The following PPT1 variants were observed in gnomAD, a reference collection of about 807,000 sequenced individuals.
The protein encoded by PPT1 is palmitoyl-protein thioesterase 1.
A neutral mutation model predicts 44.0 loss-of-function variants in PPT1; 24 were observed. The observed-to-expected ratio is 0.54, with a 90% CI of 0.39 to 0.77. PPT1 has a LOEUF of 0.77. Ranked by LOEUF, PPT1 falls within the 30% of genes least tolerant of loss-of-function variation. The pLI, the probability that PPT1 is intolerant of heterozygous loss-of-function variation, is 0.00. For synonymous variants in PPT1, 148 were observed against 140.2 expected (o/e 1.06, Z -0.39); for missense variants, 341 against 378.8 (o/e 0.90, Z 0.83).
Position 40,092,469 on chromosome 1 carries a change from T to A in PPT1, c.163A>T (p.Lys55Ter), listed in dbSNP as rs386833633. The change falls in exon 2 of 9, where the codon AAA becomes TAA. Residue 55 changes from lysine to a stop codon, truncating the protein, a stop_gained. Coordinates refer to ENST00000642050, the MANE Select transcript of PPT1 (RefSeq NM_000310.4). LOFTEE classifies it high-confidence loss of function. ...GGTATTTTCTTCTCCACCATTTTTT[T>A]AATAGCACCCATGCTTAAGGGATTG... is the stretch of plus-strand genomic sequence containing the variant. ...CCNPLSMGAI[K>*]KMVEKKIPGI... 1 of 1,613,928 alleles carries A rather than the reference T, an allele frequency of 6.2e-7. No homozygotes were observed. The highest frequency in any genetic ancestry group is 8.5e-7 in the Non-Finnish European group (1 of 1,179,772).
intron 8 of PPT1, among the ~76,000 whole-genome samples, chr1:40,074,538 GCT>G (rs776219914): frequency 6.6e-6 from 1 of 151,090 alleles, no homozygotes; most frequent in Non-Finnish European, 1.5e-5. Flanking sequence ...TGCGATCTCG[GCT>G]CACTGCAACC....
Position 40,076,948 on chromosome 1 carries a change from G to T in PPT1, c.727-35C>A. The T allele has an allele frequency of 1.9e-6, 3 of 1,611,742 alleles. No homozygotes were observed. In the South Asian group the frequency reaches 3.3e-5, roughly 18 times the overall value. On this transcript the variant is annotated intron_variant, in intron 7 of 8. Transcript: ENST00000642050. ...AAGCAAAGGAAAGAAGCTCAGATAT[G>T]ACACACAGCACATACTGCCAAAATA...
chr1:40,085,781 T>C (rs1345663664), intron 5 of PPT1, among the ~76,000 whole-genome samples: 1 of 152,248 alleles, frequency 6.6e-6, no homozygotes, highest in Non-Finnish European at 1.5e-5. Flanking sequence ...ATAGCTTTTA[T>C]ATGCGCTGGG....
intron 4 of PPT1, among the ~76,000 whole-genome samples, chr1:40,090,388 G>GTA (rs947359281): frequency 7.0e-4 from 107 of 151,932 alleles, no homozygotes; most frequent in African/African-American, 2.4e-3. Flanking sequence ...GCATATGTGT[G>GTA]TATATATATG....
downstream of PPT1, chr1:40,072,301 C>T (rs1648214872): frequency 2.7e-6 from 1 of 376,304 alleles, no homozygotes; most frequent in South Asian, 1.5e-4. Flanking sequence ...TCTGGCATTC[C>T]TGAATCCTTC....
rs556916544 is a variant in PPT1 at position 40,076,153 on chromosome 1, A to G, written c.798+689T>C. Among the ~76,000 whole-genome samples the G allele has an allele frequency of 2.6e-4, 39 of 151,902 alleles. 2 individuals are homozygous for G. The South Asian group carries it at 7.9e-3, about 31-fold the overall frequency. On this transcript the variant is annotated intron_variant, in intron 8 of 8. Transcript: ENST00000642050. Reference sequence around the variant, plus strand: ...GCGTAATTTAGAAACAGGATTTCACATCTATTAATGTTTAAAAGTAATGTC... The same window carrying G: ...GCGTAATTTAGAAACAGGATTTCACGTCTATTAATGTTTAAAAGTAATGTC...
intron 4 of PPT1, 115 bp downstream of exon 4, chr1:40,091,214 G>A (rs569928809): frequency 9.1e-5 from 99 of 1,091,964 alleles, no homozygotes; most frequent in Non-Finnish European, 1.4e-4. Context: ...TAGAGAAACA[G>A]GATTTTGCAA....
At chr1:40,085,524 G>A (rs1379508330) in intron 5 of PPT1, among the ~76,000 whole-genome samples, 4 of 151,808 alleles carry the variant, frequency 2.6e-5, no homozygotes, top group Admixed American at 2.6e-4. Flanking sequence ...TCTCATCTCC[G>A]CACACAGGGA....
intron 5 of PPT1, among the ~76,000 whole-genome samples, chr1:40,083,275 C>T (rs1557709540): frequency 6.6e-6 from 1 of 152,082 alleles, no homozygotes; most frequent in Non-Finnish European, 1.5e-5. Context: ...TAGCAAGACC[C>T]CACCTCTAGA....
chr1:40,097,061 C>T, intron 1 of PPT1, 54 bp downstream of exon 1: 1 of 1,613,830 alleles, frequency 6.2e-7, no homozygotes, highest in Non-Finnish European at 8.5e-7. Flanking sequence ...GATGCGAACC[C>T]AGGCTAGGAA....
Position 40,074,057 on chromosome 1 carries a change from G to A in PPT1, c.*4C>T, listed in dbSNP as rs1648427848. ...CCTGAGCTCTATTGTGAACTATACGGGTTTCATCCAAGGAATGGTATGATG... is the reference window on the plus strand; with the variant it reads ...CCTGAGCTCTATTGTGAACTATACGAGTTTCATCCAAGGAATGGTATGATG... On this transcript the variant is annotated 3_prime_UTR_variant, in exon 9 of 9. Coordinates refer to ENST00000642050, the MANE Select transcript of PPT1 (RefSeq NM_000310.4). 1 of 1,614,050 alleles carries A rather than the reference G, an allele frequency of 6.2e-7. No individual in the cohort carries two copies. Among genetic ancestry groups the A allele is most frequent in the Admixed American group, 1.7e-5 (1 of 60,014 alleles).
chr1:40,096,942 C>G, intron 1 of PPT1, 173 bp downstream of exon 1: 2 of 1,153,918 alleles, frequency 1.7e-6, no homozygotes, highest in Non-Finnish European at 2.5e-6. Context: ...GTGAAGGGGA[C>G]GGCTCCTTCC....
intron 5 of PPT1, among the ~76,000 whole-genome samples, chr1:40,087,454 G>A (rs1262148388): frequency 6.6e-6 from 1 of 151,960 alleles, no homozygotes; most frequent in East Asian, 2.0e-4. Context: ...TGTTGGCCAG[G>A]CTGGTCTTGA....
rs11552578 is a variant in PPT1, at chr1:40,073,900, A to G, written c.*161T>C. ...ATGGTAACAGAAGATGGCAAAGGAT[A>G]AGATTCAGATCTTAGATCTTTCCAA... is the stretch of plus-strand genomic sequence containing the variant. On this transcript the variant is annotated 3_prime_UTR_variant, in exon 9 of 9. Coordinates refer to ENST00000642050, the MANE Select transcript of PPT1 (RefSeq NM_000310.4). 91,333 of 961,928 alleles carry G rather than the reference A, an allele frequency of 0.095. 5,489 individuals are homozygous for G. Among genetic ancestry groups the G allele is most frequent in the South Asian group, 0.19 (13,145 of 69,872 alleles). 59.6% of individuals were successfully genotyped at this position (961,928 alleles called of 1,614,324 possible). A position where few individuals can be genotyped will look rare whatever the true frequency, so the allele number is the denominator to read the frequency against.
At position 40,074,106 on chromosome 1, in the gene PPT1, C is replaced by A. The variant is rs1648434982; in HGVS notation, c.876G>T (p.Leu292Phe). The A allele has an allele frequency of 6.2e-7, 1 of 1,614,052 alleles. No individual in the cohort carries two copies. Among genetic ancestry groups the A allele is most frequent in the Non-Finnish European group, 8.5e-7 (1 of 1,179,910 alleles). The change falls in exon 9 of 9, where the codon TTG becomes TTT. Residue 292 changes from leucine (L) to phenylalanine (F), a missense_variant. Leu to Phe is a conservative substitution (Grantham distance 22). Coordinates refer to ENST00000642050, the MANE Select transcript of PPT1 (RefSeq NM_000310.4). Reference protein sequence around the residue: ...FLATEGDHLQLSEEWFYAHII... With the variant: ...FLATEGDHLQFSEEWFYAHII... Reference sequence around the variant, plus strand: ...TGTGGGCATAAAACCATTCTTCAGACAACTGAAGATGGTCCCCTTCTGTAG... The same window carrying A: ...TGTGGGCATAAAACCATTCTTCAGAAAACTGAAGATGGTCCCCTTCTGTAG...
At chr1:40,092,233 T>G (rs1036566882) in intron 2 of PPT1, 61 bp from the exon 3 acceptor site, 4 of 1,606,864 alleles carry the variant, frequency 2.5e-6, no homozygotes, top group Admixed American at 1.7e-5. Flanking sequence ...TGACATCTTC[T>G]CTAAGAGGTA....
At chr1:40,093,102 G>A (rs1185673608) in intron 1 of PPT1, among the ~76,000 whole-genome samples, 1 of 152,174 alleles carries the variant, frequency 6.6e-6, no homozygotes, top group Admixed American at 6.5e-5. Flanking sequence ...GTTTGTAATA[G>A]TCAAAAGGGA....
intron 5 of PPT1, among the ~76,000 whole-genome samples, chr1:40,083,083 C>T (rs1180753844): frequency 6.6e-6 from 1 of 152,196 alleles, no homozygotes; most frequent in East Asian, 1.9e-4. Context: ...GATCTGTTTA[C>T]AGTGTGGTTT....
intron 5 of PPT1, among the ~76,000 whole-genome samples, chr1:40,088,498 G>T (rs1015187229): frequency 6.6e-6 from 1 of 152,076 alleles, no homozygotes; most frequent in Non-Finnish European, 1.5e-5. Context: ...TTTCCCTGTG[G>T]TTCTGATATA....
Sources: allele counts gnomAD v4.1 joint callset (sites outside exome capture counted in the v4.1 genomes callset), GRCh38; gene constraint gnomAD v4.1.1; transcripts MANE v1.5; gene names NCBI Gene and HGNC (gene_info 2026-07-23, HGNC 2026-07-21).